Variants in BCL11A observed in about 807,000 individuals in gnomAD.
BCL11A encodes the protein BCL11 transcription factor A, also known as B cell CLL/lymphoma 11A.
Under a neutral mutation model 55.9 loss-of-function variants are expected in BCL11A, and 2 were observed. That is an observed-to-expected ratio of 0.04 (90% CI 0.01 to 0.11). The LOEUF (loss-of-function observed/expected upper bound fraction) is 0.11. BCL11A is among the 10% of genes least tolerant of loss of function. BCL11A has a pLI of 1.00. For synonymous variants in BCL11A, 465 were observed against 473.4 expected (o/e 0.98, Z 0.23); for missense variants, 817 against 1,137.1 (o/e 0.72, Z 4.05).
chr2:60,452,062 ATGG>A (rs45467791), exon 5 of BCL11A: 20,179 of 227,362 alleles, frequency 0.089, 1,056 homozygotes, highest in Middle Eastern at 0.12. Context: ...TACCCACCCG[ATGG>A]GTGTCTGTAG....
chr2:60,502,473 G>C (rs939241911), intron 2 of BCL11A, among the ~76,000 whole-genome samples: 11 of 152,214 alleles, frequency 7.2e-5, no homozygotes, highest in Admixed American at 5.2e-4. Context: ...GCACAGATTT[G>C]AGCTCTGCCA....
Position 60,518,811 on chromosome 2 carries a change from G to T in BCL11A, c.385+27160C>A, listed in dbSNP as rs574442408. The stretch of plus-strand genomic sequence containing the variant: ...ACTCATCAATTACTGTTCAAGTTCA[G>T]GTCAAGCTGGATGGACACCATCCAC... On this transcript the variant is annotated intron_variant, in intron 2 of 3. Coordinates refer to ENST00000642384, the MANE Select transcript of BCL11A (RefSeq NM_022893.4). Among the ~76,000 whole-genome samples the T allele has an allele frequency of 1.9e-4, 29 of 152,274 alleles. No homozygotes were observed. In the East Asian group the frequency reaches 5.6e-3, roughly 29 times the overall value.
chr2:60,453,937 T>C (rs1675826274), downstream of BCL11A, among the ~76,000 whole-genome samples: 1 of 152,142 alleles, frequency 6.6e-6, no homozygotes, highest in African/African-American at 2.4e-5. Context: ...GTTTAGGTTC[T>C]CAAGTACAAT....
intron 2 of BCL11A, among the ~76,000 whole-genome samples, chr2:60,519,461 G>T (rs1668875967): frequency 1.3e-5 from 2 of 152,208 alleles, no homozygotes; most frequent in Non-Finnish European, 2.9e-5. Flanking sequence ...TCTATAACCT[G>T]TAAGGAGAGA....
chr2:60,541,482 A>G (rs1452497729), intron 2 of BCL11A, among the ~76,000 whole-genome samples: 2 of 152,238 alleles, frequency 1.3e-5, no homozygotes, highest in South Asian at 4.1e-4. Flanking sequence ...TTCTATTTAC[A>G]ATTTGTCTTA....
chr2:60,475,667 T>G (rs1677553228), intron 2 of BCL11A, among the ~76,000 whole-genome samples: 1 of 152,114 alleles, frequency 6.6e-6, no homozygotes, highest in Non-Finnish European at 1.5e-5. Flanking sequence ...ATGGGGAGGA[T>G]AGGGGTGCCC....
intron 2 of BCL11A, chr2:60,536,999 G>C (rs1669695957): frequency 6.6e-6 from 1 of 152,242 alleles, no homozygotes; most frequent in East Asian, 1.9e-4. Context: ...CAATCCACTT[G>C]TATGTAGAAT....
chr2:60,492,576 G>T (rs1381273439), intron 2 of BCL11A, among the ~76,000 whole-genome samples: 1 of 150,800 alleles, frequency 6.6e-6, no homozygotes, highest in Non-Finnish European at 1.5e-5. Context: ...AGACCCAAAT[G>T]CTCTGCTTAT....
At chr2:60,466,472 G>A (rs1346930833) in intron 3 of BCL11A, among the ~76,000 whole-genome samples, 1 of 152,104 alleles carries the variant, frequency 6.6e-6, no homozygotes, top group African/African-American at 2.4e-5. Flanking sequence ...ACCTAACCCA[G>A]GCTTAGGCCC....
chr2:60,514,882 A>AG (rs1405711484), intron 2 of BCL11A, among the ~76,000 whole-genome samples: 2 of 151,622 alleles, frequency 1.3e-5, no homozygotes, highest in African/African-American at 2.4e-5. Context: ...AGAAAAAAAA[A>AG]AAAAGAAAAG....
In BCL11A at chr2:60,458,142, A is replaced by G; in HGVS notation, c.*2262T>C. The G allele has an allele frequency of 9.7e-7, 1 of 1,028,610 alleles. No individual in the cohort carries two copies. Among genetic ancestry groups the G allele is most frequent in the Non-Finnish European group, 1.2e-6 (1 of 854,758 alleles). The allele number at this position is 1,028,610 out of a possible 1,614,324, so 63.7% of individuals were successfully genotyped here. The stretch of plus-strand genomic sequence containing the variant: ...ATACTATAGTGCCTAACACTAGATG[A>G]ACATTTAATTCAAATACCATTCTAG... On this transcript the variant is annotated 3_prime_UTR_variant, in exon 4 of 4. Coordinates refer to ENST00000642384, the MANE Select transcript of BCL11A (RefSeq NM_022893.4).
In BCL11A at chr2:60,546,404, G is replaced by A; in HGVS notation, c.56-104C>T. On this transcript the variant is annotated intron_variant, in intron 1 of 3. Transcript: ENST00000642384. The surrounding 1 kb of genome is among the most constrained non-coding windows in gnomAD (Gnocchi z 4.1). ...GCCATCCCACCACATCATGTAAAGT[G>A]TTTCTAGGCTTCTCTATATAATACC... 1 of 952,004 alleles carries A rather than the reference G, an allele frequency of 1.1e-6. No homozygotes were observed. The highest frequency in any genetic ancestry group is 1.6e-6 in the Non-Finnish European group (1 of 634,476). 59.0% of individuals were successfully genotyped at this position (952,004 alleles called of 1,614,324 possible). A position where few individuals can be genotyped will look rare whatever the true frequency, so the allele number is the denominator to read the frequency against.
intron 2 of BCL11A, among the ~76,000 whole-genome samples, chr2:60,471,198 T>G (rs958044004): frequency 6.6e-6 from 1 of 152,260 alleles, no homozygotes; most frequent in Non-Finnish European, 1.5e-5. Context: ...TGCCTGGGCC[T>G]CCTGGCCTCA....
chr2:60,470,777 C>T (rs945099919), intron 2 of BCL11A, among the ~76,000 whole-genome samples: 2 of 152,196 alleles, frequency 1.3e-5, no homozygotes, highest in Non-Finnish European at 2.9e-5. Flanking sequence ...TCTCATCTGA[C>T]TATCTGGCAG....
chr2:60,536,599 C>T (rs1436194203), intron 2 of BCL11A: 1 of 152,152 alleles, frequency 6.6e-6, no homozygotes. Flanking sequence ...GAAACCAATG[C>T]TACACTACAG....
intron 2 of BCL11A, among the ~76,000 whole-genome samples, chr2:60,469,036 T>C (rs1409901658): frequency 6.6e-6 from 1 of 152,264 alleles, no homozygotes. Context: ...AATTTCGGTC[T>C]TTTTGACAAA....
chr2:60,497,606 T>C (rs116808551), intron 2 of BCL11A, among the ~76,000 whole-genome samples: 196 of 103,254 alleles, frequency 1.9e-3, no homozygotes, highest in African/African-American at 7.5e-3. Flanking sequence ...ATAATGGTGA[T>C]GATAATGACC....
chr2:60,529,621 G>A (rs1171448988), intron 2 of BCL11A, among the ~76,000 whole-genome samples: 10 of 152,094 alleles, frequency 6.6e-5, no homozygotes, highest in Non-Finnish European at 1.3e-4. Context: ...GGGCGGGAGC[G>A]GGGGCAGGTA....
At chr2:60,522,230 C>G (rs140845321) in intron 2 of BCL11A, 33 of 152,476 alleles carry the variant, frequency 2.2e-4, no homozygotes, top group African/African-American at 6.5e-4. Flanking sequence ...CTTCTGTAAC[C>G]CTATCGCCTC....
Sources: allele counts gnomAD v4.1 joint callset (sites outside exome capture counted in the v4.1 genomes callset), GRCh38; gene constraint gnomAD v4.1.1; non-coding constraint Gnocchi (gnomAD v3.1); transcripts MANE v1.5; gene names NCBI Gene and HGNC (gene_info 2026-07-23, HGNC 2026-07-21).